Variants in COL25A1 observed in about 807,000 individuals in gnomAD.
COL25A1 encodes collagen type XXV alpha 1 chain.
Under a neutral mutation model 128.4 loss-of-function variants are expected in COL25A1, and 103 were observed. That is an observed-to-expected ratio of 0.80 (90% confidence interval 0.68 to 0.94). The LOEUF is 0.94. COL25A1 is among the 40% of genes least tolerant of loss of function. The pLI is 0.00. For synonymous variants in COL25A1, 279 were observed against 277.2 expected, an observed-to-expected ratio of 1.01 and a Z score of -0.06; for missense variants, 745 against 840.0, an observed-to-expected ratio of 0.89 and a Z score of 1.40.
chr4:108,865,838 A>G (rs898093026), intron 20 of COL25A1, among the ~76,000 whole-genome samples: 2 of 152,206 alleles, frequency 1.3e-5, no homozygotes, highest in African/African-American at 2.4e-5. Context: ...GCACTATCAT[A>G]GCACACTATA....
intron 33 of COL25A1, among the ~76,000 whole-genome samples, chr4:108,826,535 C>T (rs1317774076): frequency 6.6e-6 from 1 of 152,090 alleles, no homozygotes; most frequent in African/African-American, 2.4e-5. Context: ...AAGACTCCAT[C>T]TCAAATGATA....
chr4:108,909,867 T>C (rs1578735931), intron 13 of COL25A1, among the ~76,000 whole-genome samples: 1 of 152,200 alleles, frequency 6.6e-6, no homozygotes, highest in African/African-American at 2.4e-5. Flanking sequence ...CCAGCCCTAG[T>C]TCTCTCTAGG....
intron 3 of COL25A1, among the ~76,000 whole-genome samples, chr4:109,239,392 GTGTATA>G (rs1365524914): frequency 3.1e-3 from 292 of 95,232 alleles, no homozygotes; most frequent in African/African-American, 0.014. Flanking sequence ...GTGTGTGTGT[GTGTATA>G]TATATATATA....
chr4:109,004,481 C>T (rs9995676), intron 6 of COL25A1, among the ~76,000 whole-genome samples: 120,083 of 151,768 alleles, frequency 0.79, 48,782 homozygotes, highest in East Asian at 1. Context: ...GTGGGAACGA[C>T]AGAGTTTGGA....
chr4:109,077,161 A>G (rs1009740332), intron 3 of COL25A1, among the ~76,000 whole-genome samples: 1 of 152,240 alleles, frequency 6.6e-6, no homozygotes, highest in African/African-American at 2.4e-5. Flanking sequence ...AGTGACCACC[A>G]TGGGCTAAAT....
intron 3 of COL25A1, among the ~76,000 whole-genome samples, chr4:109,271,053 T>C (rs889041180): frequency 3.3e-5 from 5 of 152,168 alleles, no homozygotes; most frequent in Non-Finnish European, 7.4e-5. Flanking sequence ...TGAGCCAGAA[T>C]TAGGGCCAGG....
Position 108,974,539 on chromosome 4 carries a change from G to A in COL25A1, c.459C>T (p.Gly153=), listed in dbSNP as rs537177710. The part of the protein sequence containing the change: ...PGPQGPPGPK[G]DKGEQGDQGP... ...CTGGTATGCATTTTCTTACCTTATC[G>A]CCTTTTGGACCAGGAGGGCCCTGAA... The change falls in exon 7 of 38, where the codon GGC becomes GGT. Residue 153 remains glycine, a synonymous_variant. Coordinates refer to ENST00000399132, the MANE Select transcript of COL25A1 (RefSeq NM_198721.4). 35 of 1,607,610 alleles carry A rather than the reference G, an allele frequency of 2.2e-5. No homozygotes were observed. The highest frequency in any genetic ancestry group is 1.7e-4 in the Middle Eastern group (1 of 6,036).
intron 3 of COL25A1, among the ~76,000 whole-genome samples, chr4:109,054,379 A>G (rs1388084058): frequency 6.6e-6 from 1 of 152,164 alleles, no homozygotes; most frequent in African/African-American, 2.4e-5. Flanking sequence ...ACTCCGCCCC[A>G]TTTGTATGAT....
intron 3 of COL25A1, among the ~76,000 whole-genome samples, chr4:109,076,648 A>G (rs766376632): frequency 3.9e-5 from 6 of 152,148 alleles, no homozygotes; most frequent in Non-Finnish European, 8.8e-5. Context: ...TTTATTGTGC[A>G]CTTTATTATA....
intron 3 of COL25A1, among the ~76,000 whole-genome samples, chr4:109,245,054 T>C (rs1489746730): frequency 6.6e-6 from 1 of 152,112 alleles, no homozygotes; most frequent in African/African-American, 2.4e-5. Context: ...TAAGACAAAA[T>C]TTAAGAGTTC....
intron 6 of COL25A1, among the ~76,000 whole-genome samples, chr4:108,984,686 C>G (rs920986228): frequency 1.8e-4 from 28 of 152,354 alleles, no homozygotes; most frequent in Admixed American, 1.6e-3. Flanking sequence ...GGAACTCCCG[C>G]TGGCCCGCAA....
chr4:108,906,229 A>G (rs1449644873), intron 13 of COL25A1, among the ~76,000 whole-genome samples: 1 of 152,002 alleles, frequency 6.6e-6, no homozygotes, highest in Non-Finnish European at 1.5e-5. Context: ...CACATACTCC[A>G]GCCACACTGA....
At chr4:109,271,249 T>C (rs1297941) in intron 3 of COL25A1, among the ~76,000 whole-genome samples, 21,680 of 152,194 alleles carry the variant, frequency 0.14, 3,277 homozygotes, top group African/African-American at 0.39. Flanking sequence ...AACTAAAATG[T>C]AAATTTAATG....
At chr4:108,928,980 T>C (rs143125873) in intron 11 of COL25A1, among the ~76,000 whole-genome samples, 1 of 152,356 alleles carries the variant, frequency 6.6e-6, no homozygotes, top group East Asian at 1.9e-4. Context: ...AACTATTTTG[T>C]AACCTTGGCT....
intron 35 of COL25A1, 114 bp downstream of exon 35, chr4:108,824,060 T>C: frequency 6.2e-7 from 1 of 1,613,280 alleles, no homozygotes; most frequent in South Asian, 1.1e-5. Context: ...CAGTATGTTT[T>C]TGGAGCACAG....
In COL25A1 at chr4:108,893,599, T is replaced by A. The variant is rs114701788; in HGVS notation, c.906+3068A>T. On this transcript the variant is annotated intron_variant, in intron 16 of 37. Coordinates refer to ENST00000399132, the MANE Select transcript of COL25A1 (RefSeq NM_198721.4). Reference sequence around the variant, plus strand: ...ACCAGTCTGGAAAGGTTTAGATTACTTTACCATCCAAAGGCGCTGAGTTGA... The same window carrying A: ...ACCAGTCTGGAAAGGTTTAGATTACATTACCATCCAAAGGCGCTGAGTTGA... Among the ~76,000 whole-genome samples, 394 of 152,180 alleles carry A rather than the reference T, an allele frequency of 2.6e-3. 4 individuals are homozygous for A. Among genetic ancestry groups the A allele is most frequent in the African/African-American group, 9.1e-3 (379 of 41,504 alleles).
At chr4:108,878,541 G>A (rs1219496276) in intron 19 of COL25A1, among the ~76,000 whole-genome samples, 2 of 152,274 alleles carry the variant, frequency 1.3e-5, no homozygotes, top group East Asian at 3.9e-4. Context: ...GAACCACCAG[G>A]CAGCCAGTTT....
At chr4:109,165,394 G>A (rs992907573) in intron 3 of COL25A1, among the ~76,000 whole-genome samples, 1 of 152,096 alleles carries the variant, frequency 6.6e-6, no homozygotes, top group South Asian at 2.1e-4. Flanking sequence ...ATCTTTAAAG[G>A]GAATTTTGGA....
intron 3 of COL25A1, among the ~76,000 whole-genome samples, chr4:109,081,160 T>C (rs1268403140): frequency 6.6e-6 from 1 of 152,212 alleles, no homozygotes; most frequent in Non-Finnish European, 1.5e-5. Context: ...GATTAATGTA[T>C]GTTTTATGCT....
Sources: allele counts gnomAD v4.1 joint callset (sites outside exome capture counted in the v4.1 genomes callset), GRCh38; gene constraint gnomAD v4.1.1; transcripts MANE v1.5; gene names NCBI Gene and HGNC (gene_info 2026-07-23, HGNC 2026-07-21).